Variants in ZNF18 observed in about 807,000 individuals in gnomAD.
ZNF18 encodes zinc finger protein 18.
ZNF18 carries 42 observed loss-of-function variants against 58.1 expected under a neutral mutation model. The ratio of observed to expected loss-of-function variants is 0.72; its 90% CI spans 0.56 to 0.93. The LOEUF (loss-of-function observed/expected upper bound fraction) is 0.93. Ranked by LOEUF, ZNF18 falls within the 40% of genes least tolerant of loss-of-function variation. The pLI, the probability that ZNF18 is intolerant of heterozygous loss-of-function variation, is 0.00. For missense variants in ZNF18, 540 were observed against 644.2 expected (o/e 0.84, Z 1.75); for synonymous variants, 231 against 239.8 (o/e 0.96, Z 0.34).
At chr17:11,989,250 G>A (rs959287980) in intron 4 of ZNF18, among the ~76,000 whole-genome samples, 6 of 152,008 alleles carry the variant, frequency 3.9e-5, no homozygotes, top group Non-Finnish European at 8.8e-5. Flanking sequence ...GTTTGAGCCC[G>A]GGAGGTCAAG....
At chr17:12,002,007 C>G (rs951464968), upstream of ZNF18, among the ~76,000 whole-genome samples, 48 of 151,836 alleles carry the variant, frequency 3.2e-4, no homozygotes, top group East Asian at 3.5e-3. Flanking sequence ...GCAAAAGAAC[C>G]TTGTGGGAAA....
At chr17:12,013,088 A>G in the ZNF18 span, among the ~76,000 whole-genome samples, 1 of 151,984 alleles carries the variant, frequency 6.6e-6, no homozygotes, top group Admixed American at 6.6e-5. Context: ...AGTAGCTGGG[A>G]CTACAGGCAT....
the ZNF18 span, chr17:12,021,305 A>C: frequency 1.0e-5 from 2 of 192,472 alleles, no homozygotes; most frequent in Non-Finnish European, 2.1e-5. Context: ...GGCCGTCCCC[A>C]TCGCCCCCGC....
intron 6 of ZNF18, among the ~76,000 whole-genome samples, chr17:11,979,298 G>A (rs1365057451): frequency 1.3e-5 from 2 of 152,074 alleles, no homozygotes; most frequent in African/African-American, 2.4e-5. Context: ...GTGTCATATT[G>A]TACATATAGT....
the ZNF18 span, among the ~76,000 whole-genome samples, chr17:12,016,070 C>T: frequency 6.6e-6 from 1 of 152,158 alleles, no homozygotes. Flanking sequence ...GGATTATAGG[C>T]GTGAACCACC....
the ZNF18 span, among the ~76,000 whole-genome samples, chr17:12,005,177 A>G: frequency 6.6e-6 from 1 of 150,584 alleles, no homozygotes. Context: ...TATACAGATA[A>G]TACATATACA....
Position 11,992,434 on chromosome 17 carries a change from T to C in ZNF18, c.387+9A>G, listed in dbSNP as rs1408724646. 6.2e-7 allele frequency: 1 copy of C among 1,611,706 alleles called. No individual in the cohort carries two copies. ...GTTTCACTCGCAGATCATAATACCC[T>C]CTGCTTACCCATTGCCACAGTCTCT... On this transcript the variant is annotated intron_variant, in intron 2 of 6. Transcript: ENST00000580306.
At chr17:12,007,487 C>T in the ZNF18 span, among the ~76,000 whole-genome samples, 1 of 152,192 alleles carries the variant, frequency 6.6e-6, no homozygotes, top group Non-Finnish European at 1.5e-5. Context: ...TGTACGGTCA[C>T]TTGATGCTGC....
intron 4 of ZNF18, among the ~76,000 whole-genome samples, chr17:11,985,534 G>A (rs1488910072): frequency 6.6e-6 from 1 of 151,996 alleles, no homozygotes; most frequent in Non-Finnish European, 1.5e-5. Context: ...TTTATTTATA[G>A]TATTTATCCA....
chr17:11,990,454 C>T lies in ZNF18; in HGVS notation c.666+8G>A, dbSNP rs760008599. The T allele has an allele frequency of 4.3e-6, 7 of 1,610,384 alleles. No individual in the cohort carries two copies. The highest frequency in any genetic ancestry group is 5.9e-6 in the Non-Finnish European group (7 of 1,178,460). On this transcript the variant is annotated splice_region_variant and intron_variant, in intron 4 of 6. Coordinates refer to ENST00000580306, the MANE Select transcript of ZNF18 (RefSeq NM_001303281.2). ...TTTCCTTTTCATCGCTTTTGTACGT[C>T]AGCTCACCTGAGGTGCTGCTGGGAG...
chr17:12,001,058 C>G (rs1345951815), upstream of ZNF18, among the ~76,000 whole-genome samples: 1 of 152,070 alleles, frequency 6.6e-6, no homozygotes, highest in Non-Finnish European at 1.5e-5. Context: ...AGAAAAGTGA[C>G]AATTACTGAA....
chr17:11,989,809 T>C (rs148635638), intron 4 of ZNF18, among the ~76,000 whole-genome samples: 2 of 152,114 alleles, frequency 1.3e-5, no homozygotes, highest in Admixed American at 1.3e-4. Context: ...GACCAAGACT[T>C]CAATAACAGA....
chr17:12,003,871 G>A, the ZNF18 span, among the ~76,000 whole-genome samples: 1 of 152,206 alleles, frequency 6.6e-6, no homozygotes, highest in African/African-American at 2.4e-5. Context: ...ATGTTGAACA[G>A]GCTTGAGTCA....
At chr17:12,020,839 T>C in the ZNF18 span, 3 of 887,912 alleles carry the variant, frequency 3.4e-6, no homozygotes, top group South Asian at 1.1e-4. Flanking sequence ...AGGCCGAGCT[T>C]GCTGCATTGC....
At chr17:12,005,459 G>A in the ZNF18 span, among the ~76,000 whole-genome samples, 3 of 152,158 alleles carry the variant, frequency 2.0e-5, no homozygotes, top group Non-Finnish European at 1.5e-5. Context: ...TCACATCAGT[G>A]ACTATGGAAA....
the ZNF18 span, among the ~76,000 whole-genome samples, chr17:12,015,163 T>C: frequency 6.6e-6 from 1 of 152,220 alleles, no homozygotes; most frequent in African/African-American, 2.4e-5. Flanking sequence ...TATTATTAAA[T>C]TCAAACCCAA....
chr17:11,978,695 C>T lies in ZNF18; in HGVS notation c.912G>A (p.Arg304=). The change falls in exon 7 of 7, where the codon AGG becomes AGA. Residue 304 remains arginine, a synonymous_variant. Transcript: ENST00000580306. ...AGGAAGCATGCAGGAGCTCCTGGTC[C>T]CTGTGATTCTCCAAATTTAGGTTCT... The part of the protein sequence containing the change: ...DKENLNLENH[R]DQELLHASCQ... 1 of 1,605,826 alleles carries T rather than the reference C, an allele frequency of 6.2e-7. No individual in the cohort carries two copies.
At position 11,977,940 on chromosome 17, in the gene ZNF18, G is replaced by C. The variant is rs1967090860; in HGVS notation, c.*17C>G. 6.5e-7 allele frequency: 1 copy of C among 1,538,064 alleles called. No homozygotes were observed. Among genetic ancestry groups the C allele is most frequent in the South Asian group, 1.3e-5 (1 of 76,902 alleles). On this transcript the variant is annotated 3_prime_UTR_variant, in exon 7 of 7. Transcript: ENST00000580306. ...GGGCTGGGAGATAGAAATGGGGAAA[G>C]AGAGTTTGGTTACTGGCTATTGAAA...
At chr17:11,990,257 C>T (rs562441554) in intron 4 of ZNF18, among the ~76,000 whole-genome samples, 353 of 151,932 alleles carry the variant, frequency 2.3e-3, no homozygotes, top group South Asian at 4.4e-3. Context: ...TATATATATA[C>T]ACATTATATG....
Sources: gnomAD v4.1 joint callset for allele counts (sites outside exome capture counted in the v4.1 genomes callset) on GRCh38, gnomAD v4.1.1 for gene constraint, MANE v1.5 for transcripts, NCBI Gene and HGNC (gene_info 2026-07-23, HGNC 2026-07-21) for gene names.